MAPKAP1: variants seen among roughly 807,000 people sequenced by gnomAD.
MAPKAP1 encodes target of rapamycin complex 2 subunit MAPKAP1.
MAPKAP1 carries 20 observed loss-of-function variants against 65.7 expected under a neutral mutation model. The observed-to-expected ratio is 0.30, with a 90% CI of 0.21 to 0.44. The LOEUF (loss-of-function observed/expected upper bound fraction) is 0.44, where lower values mean the gene tolerates loss of function less well. Among genes scored for constraint, MAPKAP1 ranks in the 20% least tolerant of loss-of-function variants. MAPKAP1 has a pLI of 1.00. For missense variants in MAPKAP1, 423 were observed against 648.0 expected (o/e 0.65, Z 3.77); for synonymous variants, 222 against 244.3 (o/e 0.91, Z 0.85).
chr9:125,538,869 T>C (rs1435782736), intron 7 of MAPKAP1, among the ~76,000 whole-genome samples: 1 of 152,156 alleles, frequency 6.6e-6, no homozygotes, highest in Non-Finnish European at 1.5e-5. Flanking sequence ...AGATACGTTA[T>C]GGATCGATAT....
Position 125,566,561 on chromosome 9 carries a change from T to TGAAAAA in MAPKAP1, c.672-6758_672-6753dup, listed in dbSNP as rs72228008. ...TGGGCAACAGAGTGAGACACTGTCT[T>TGAAAAA]GAAAAAGAAAAAGAAAAAGAAAAAG... On this transcript the variant is annotated intron_variant, in intron 5 of 11. Coordinates refer to ENST00000265960, the MANE Select transcript of MAPKAP1 (RefSeq NM_001006617.3). Among the ~76,000 whole-genome samples, 318 of 147,788 alleles carry TGAAAAA rather than the reference T, an allele frequency of 2.2e-3. 1 individual carries two copies. The highest frequency in any genetic ancestry group is 9.0e-3 in the East Asian group (44 of 4,912).
At chr9:125,474,587 T>C (rs1282365026) in intron 9 of MAPKAP1, among the ~76,000 whole-genome samples, 1 of 152,180 alleles carries the variant, frequency 6.6e-6, no homozygotes, top group Non-Finnish European at 1.5e-5. Flanking sequence ...AGCTGCCTGG[T>C]GAGTTCTGAC....
At chr9:125,585,401 T>C (rs1282862249) in intron 5 of MAPKAP1, among the ~76,000 whole-genome samples, 154 bp downstream of exon 5, 1 of 152,256 alleles carries the variant, frequency 6.6e-6, no homozygotes, top group African/African-American at 2.4e-5. Flanking sequence ...TTCTCTGAGA[T>C]GCACAGGCGC....
chr9:125,562,289 C>T (rs1017989163), intron 5 of MAPKAP1, among the ~76,000 whole-genome samples: 2 of 152,238 alleles, frequency 1.3e-5, no homozygotes, highest in African/African-American at 4.8e-5. Flanking sequence ...TGCTATTATT[C>T]TCCCCAGTTC....
chr9:125,688,297 C>T (rs554434899), intron 1 of MAPKAP1, among the ~76,000 whole-genome samples: 1 of 152,258 alleles, frequency 6.6e-6, no homozygotes, highest in Admixed American at 6.5e-5. Context: ...CACCACCACA[C>T]CCTGCTAATT....
At chr9:125,593,522 T>G (rs1454565560) in intron 4 of MAPKAP1, among the ~76,000 whole-genome samples, 1 of 151,654 alleles carries the variant, frequency 6.6e-6, no homozygotes, top group Non-Finnish European at 1.5e-5. Flanking sequence ...ATTAGCCAGG[T>G]GTGGTGGCGT....
intron 8 of MAPKAP1, among the ~76,000 whole-genome samples, chr9:125,501,874 C>T (rs1386306228): frequency 1.3e-5 from 2 of 151,964 alleles, no homozygotes; most frequent in African/African-American, 4.8e-5. Context: ...CCTTTTCATT[C>T]CTACTACTAT....
intron 6 of MAPKAP1, among the ~76,000 whole-genome samples, chr9:125,546,299 A>G (rs1164724000): frequency 1.3e-5 from 2 of 152,214 alleles, no homozygotes; most frequent in Admixed American, 6.5e-5. Flanking sequence ...GGCAGACCTA[A>G]TAAGAGTTTC....
intron 8 of MAPKAP1, among the ~76,000 whole-genome samples, chr9:125,489,262 C>T (rs10819052): frequency 0.02 from 3,063 of 152,204 alleles, 166 homozygotes; most frequent in East Asian, 0.14. Context: ...AAAAAGGTCA[C>T]AAGCAATTAA....
chr9:125,455,890 AT>A (rs765984068), intron 10 of MAPKAP1, among the ~76,000 whole-genome samples: 4 of 152,156 alleles, frequency 2.6e-5, no homozygotes, highest in Non-Finnish European at 5.9e-5. Context: ...TCCTTCTGGT[AT>A]TTTTACCCTC....
rs551320561 is a variant in MAPKAP1, at chr9:125,480,702, G to C, written c.1207+3741C>G. Among the ~76,000 whole-genome samples, 6 of 151,432 alleles carry C rather than the reference G, an allele frequency of 4.0e-5. No homozygotes were observed. The East Asian group carries it at 9.9e-4, about 25-fold the overall frequency. On this transcript the variant is annotated intron_variant, in intron 9 of 11. Coordinates refer to ENST00000265960, the MANE Select transcript of MAPKAP1 (RefSeq NM_001006617.3). ...AATATGCTTCTATGGGCCGGGCGCG[G>C]TGGCTCACGCCTGTAATCCCAGCAC... is the stretch of plus-strand genomic sequence containing the variant.
At chr9:125,489,200 C>T (rs1010852043) in intron 8 of MAPKAP1, among the ~76,000 whole-genome samples, 3 of 152,138 alleles carry the variant, frequency 2.0e-5, no homozygotes, top group Non-Finnish European at 4.4e-5. Flanking sequence ...AAACTACTCC[C>T]TGTTAATTTA....
In MAPKAP1 at chr9:125,595,459, A is replaced by G. The variant is rs1832097087; in HGVS notation, c.499-9732T>C. On this transcript the variant is annotated intron_variant, in intron 4 of 11. Transcript: ENST00000265960. The surrounding 1 kb of genome is among the most constrained non-coding windows in gnomAD (Gnocchi z 4.0). ...TTTTCTCAGCTGATCCTATTAATTAAAATAATATACATTAGCTGCTTATCA... is the reference window on the plus strand; with the variant it reads ...TTTTCTCAGCTGATCCTATTAATTAGAATAATATACATTAGCTGCTTATCA... The G allele has an allele frequency of 1.1e-6, 1 of 927,662 alleles. No homozygotes were observed. Among genetic ancestry groups the G allele is most frequent in the Non-Finnish European group, 1.3e-6 (1 of 758,612 alleles). The allele number at this position is 927,662 out of a possible 1,614,324, so 57.5% of individuals were successfully genotyped here. A position where few individuals can be genotyped will look rare whatever the true frequency, so the allele number is the denominator to read the frequency against.
At chr9:125,453,160 C>CA (rs1160200847) in intron 10 of MAPKAP1, among the ~76,000 whole-genome samples, 3 of 152,164 alleles carry the variant, frequency 2.0e-5, no homozygotes, top group Non-Finnish European at 4.4e-5. Context: ...TGGGTTCAAG[C>CA]AATTCTCCTG....
intron 1 of MAPKAP1, among the ~76,000 whole-genome samples, chr9:125,693,846 TACACAC>T (rs1554844769): frequency 1.1e-4 from 15 of 135,446 alleles, no homozygotes; most frequent in Non-Finnish European, 1.9e-4. Context: ...TATACACACA[TACACAC>T]ACACACACAC....
chr9:125,603,736 T>G (rs1483509820), intron 4 of MAPKAP1, among the ~76,000 whole-genome samples: 1 of 152,158 alleles, frequency 6.6e-6, no homozygotes, highest in Admixed American at 6.5e-5. Context: ...TTAAATTAAA[T>G]TGGATTTCCT....
intron 1 of MAPKAP1, among the ~76,000 whole-genome samples, chr9:125,693,524 TACACATATACAC>T (rs1835244451): frequency 8.8e-6 from 1 of 114,004 alleles, no homozygotes; most frequent in Admixed American, 8.5e-5. Flanking sequence ...CACACATATA[TACACATATACAC>T]ACACATATAT....
intron 8 of MAPKAP1, among the ~76,000 whole-genome samples, chr9:125,491,526 C>T (rs1854728321): frequency 6.6e-6 from 1 of 151,920 alleles, no homozygotes; most frequent in Non-Finnish European, 1.5e-5. Context: ...CCTGTAATCC[C>T]GGCACTTCTG....
At position 125,687,968 on chromosome 9, in the gene MAPKAP1, C is replaced by G. The variant is rs188620384; in HGVS notation, c.-69-15325G>C. 7.9e-5 allele frequency among the ~76,000 whole-genome samples: 12 copies of G among 152,258 alleles called. No homozygotes were observed. In the East Asian group the frequency reaches 2.3e-3, roughly 29 times the overall value. On this transcript the variant is annotated intron_variant, in intron 1 of 11. Coordinates refer to ENST00000265960, the MANE Select transcript of MAPKAP1 (RefSeq NM_001006617.3). ...AAGACAGCAACAACATAATCTAAAC[C>G]AGCAGATAATCCTCAAACTACTTTT...
Sources: allele counts gnomAD v4.1 joint callset (sites outside exome capture counted in the v4.1 genomes callset), GRCh38; gene constraint gnomAD v4.1.1; non-coding constraint Gnocchi (gnomAD v3.1); transcripts MANE v1.5; gene names NCBI Gene and HGNC (gene_info 2026-07-23, HGNC 2026-07-21).